The following ADARB1 variants were observed in gnomAD, a reference collection of about 807,000 sequenced individuals.
ADARB1 encodes adenosine deaminase RNA specific B1.
A neutral mutation model predicts 52.4 loss-of-function variants in ADARB1; 10 were observed. That is an observed-to-expected ratio of 0.19 (90% CI 0.12 to 0.32). The LOEUF is 0.32. Among genes scored for constraint, ADARB1 ranks in the 10% least tolerant of loss-of-function variants. The probability of loss-of-function intolerance (pLI) is 1.00; values close to 1 mark genes in which losing one functional copy is unlikely to be tolerated. For missense variants in ADARB1, 643 were observed against 922.3 expected, an observed-to-expected ratio of 0.70 and a Z score of 3.92; for synonymous variants, 349 against 371.1, an observed-to-expected ratio of 0.94 and a Z score of 0.68.
At chr21:45,075,113 G>A (rs1368983886) in intron 1 of ADARB1, among the ~76,000 whole-genome samples, 1 of 151,582 alleles carries the variant, frequency 6.6e-6, no homozygotes, top group Non-Finnish European at 1.5e-5. Flanking sequence ...GCCGGGACGA[G>A]GCTGCGCCCT....
rs759440268 is a variant in ADARB1, at chr21:45,222,242, G to A, written c.*45G>A. On this transcript the variant is annotated 3_prime_UTR_variant, in exon 11 of 11. Transcript: ENST00000348831. ...GGGTGCAGGGGGCTGTGGGCATCCA[G>A]CGTCATCCTCCAGAACCTCACATCT... 4 of 1,512,032 alleles carry A rather than the reference G, an allele frequency of 2.6e-6. No homozygotes were observed. Among genetic ancestry groups the A allele is most frequent in the Non-Finnish European group, 3.5e-6 (4 of 1,135,340 alleles). 93.7% of individuals were successfully genotyped at this position (1,512,032 alleles called of 1,614,324 possible). A position where few individuals can be genotyped will look rare whatever the true frequency, so the allele number is the denominator to read the frequency against.
chr21:45,135,912 C>T (rs1283932725), intron 2 of ADARB1, among the ~76,000 whole-genome samples: 1 of 152,124 alleles, frequency 6.6e-6, no homozygotes, highest in African/African-American at 2.4e-5. Flanking sequence ...AAGCTGAGTG[C>T]TGTCCTGAAA....
In ADARB1 at chr21:45,152,516, C is replaced by T. The variant is rs995023418; in HGVS notation, c.-47-19094C>T. Reference sequence around the variant, plus strand: ...TAGGGGCTGCTGTTGTCGCAGCTGCCGGCACACGGAAGTGAGTCGGTGTGC... The same window carrying T: ...TAGGGGCTGCTGTTGTCGCAGCTGCTGGCACACGGAAGTGAGTCGGTGTGC... On this transcript the variant is annotated intron_variant, in intron 2 of 10. Coordinates refer to ENST00000348831, the MANE Select transcript of ADARB1 (RefSeq NM_001112.4). 4.0e-5 allele frequency: 10 copies of T among 251,514 alleles called. 1 individual carries two copies. Among genetic ancestry groups the T allele is most frequent in the South Asian group, 2.6e-4 (8 of 31,054 alleles). 15.6% of individuals were successfully genotyped at this position (251,514 alleles called of 1,614,324 possible).
intron 1 of ADARB1, among the ~76,000 whole-genome samples, chr21:45,077,982 C>G (rs1027457476): frequency 2.6e-5 from 4 of 152,156 alleles, no homozygotes; most frequent in Non-Finnish European, 5.9e-5. Context: ...CCGCACCTTC[C>G]ATTTGCAGAG....
intron 2 of ADARB1, among the ~76,000 whole-genome samples, chr21:45,153,190 G>A (rs117841889): frequency 0.022 from 3,284 of 152,214 alleles, 52 homozygotes; most frequent in South Asian, 0.042. Flanking sequence ...CTGCACTCCA[G>A]GTTAATACCA....
chr21:45,186,288 T>G (rs1438193068), intron 8 of ADARB1, among the ~76,000 whole-genome samples: 2 of 152,238 alleles, frequency 1.3e-5, no homozygotes, highest in African/African-American at 4.8e-5. Context: ...TACTGACTTT[T>G]GCAAATCTTC....
intron 2 of ADARB1, among the ~76,000 whole-genome samples, chr21:45,167,228 A>G (rs1193133668): frequency 6.6e-6 from 1 of 152,212 alleles, no homozygotes; most frequent in Admixed American, 6.5e-5. Context: ...TTTTAAAAGA[A>G]TTTTAATATG....
In ADARB1 at chr21:45,101,386, T is replaced by G. The variant is rs1601341436; in HGVS notation, c.-220+26593T>G. ...ATGCCCGCTGCCAGTCGCCGAGTGCTGGGTGCAGAGGATCTCTCCAGACAC... is the reference window on the plus strand; with the variant it reads ...ATGCCCGCTGCCAGTCGCCGAGTGCGGGGTGCAGAGGATCTCTCCAGACAC... On this transcript the variant is annotated intron_variant, in intron 1 of 10. Coordinates refer to ENST00000348831, the MANE Select transcript of ADARB1 (RefSeq NM_001112.4). Among the ~76,000 whole-genome samples, 4 of 152,360 alleles carry G rather than the reference T, an allele frequency of 2.6e-5. No individual in the cohort carries two copies. In the South Asian group the frequency reaches 8.3e-4, roughly 32 times the overall value.
At chr21:45,109,813 T>A (rs1175483007) in intron 1 of ADARB1, among the ~76,000 whole-genome samples, 2 of 152,172 alleles carry the variant, frequency 1.3e-5, no homozygotes, top group Non-Finnish European at 2.9e-5. Flanking sequence ...TAAGCAAAAA[T>A]CATGTATTTG....
At chr21:45,160,523 G>C (rs2090909313) in intron 2 of ADARB1, among the ~76,000 whole-genome samples, 1 of 152,188 alleles carries the variant, frequency 6.6e-6, no homozygotes, top group Non-Finnish European at 1.5e-5. Context: ...TGATGATTGT[G>C]TTTTTTAAAA....
chr21:45,209,932 A>T (rs1232556103), intron 9 of ADARB1, among the ~76,000 whole-genome samples: 3 of 151,974 alleles, frequency 2.0e-5, no homozygotes, highest in African/African-American at 7.3e-5. Context: ...CTCTCATCTG[A>T]TGTGCTTTTT....
chr21:45,163,459 A>G (rs1301319078), intron 2 of ADARB1, among the ~76,000 whole-genome samples: 5 of 152,194 alleles, frequency 3.3e-5, no homozygotes, highest in African/African-American at 4.8e-5. Context: ...TGGTGGGAAA[A>G]GCAGGGTGGT....
chr21:45,161,314 C>T (rs1163721307), intron 2 of ADARB1, among the ~76,000 whole-genome samples: 1 of 152,238 alleles, frequency 6.6e-6, no homozygotes, highest in Non-Finnish European at 1.5e-5. Flanking sequence ...TCCCTGCACT[C>T]ACCAGGGCCC....
intron 1 of ADARB1, among the ~76,000 whole-genome samples, chr21:45,104,047 T>C (rs2087141208): frequency 6.6e-6 from 1 of 152,020 alleles, no homozygotes; most frequent in Non-Finnish European, 1.5e-5. Flanking sequence ...CTCCAAGGGG[T>C]TCACTTTTGG....
At position 45,153,157 on chromosome 21, in the gene ADARB1, A is replaced by G. The variant is rs189605092; in HGVS notation, c.-47-18453A>G. Among the ~76,000 whole-genome samples the G allele has an allele frequency of 2.4e-3, 369 of 152,348 alleles. 5 individuals are homozygous for G. The highest frequency in any genetic ancestry group is 1.9e-3 in the East Asian group (10 of 5,190). ...GTGAAAATATTTCCCCTTTAAAAGA[A>G]TGGAGAGCAAATTCCTTACATTCTG... is the stretch of plus-strand genomic sequence containing the variant. On this transcript the variant is annotated intron_variant, in intron 2 of 10. Coordinates refer to ENST00000348831, the MANE Select transcript of ADARB1 (RefSeq NM_001112.4).
At chr21:45,136,360 G>A (rs977777835) in intron 2 of ADARB1, among the ~76,000 whole-genome samples, 2 of 152,152 alleles carry the variant, frequency 1.3e-5, no homozygotes, top group Non-Finnish European at 2.9e-5. Flanking sequence ...CTCAGACCTG[G>A]GGCCTCAGCC....
chr21:45,075,968 A>C (rs1215631627), intron 1 of ADARB1, among the ~76,000 whole-genome samples: 2 of 152,178 alleles, frequency 1.3e-5, no homozygotes, highest in Admixed American at 1.3e-4. Context: ...TGAGAATACA[A>C]ATATGTATTT....
At chr21:45,119,352 A>G (rs2145789072) in intron 1 of ADARB1, among the ~76,000 whole-genome samples, 1 of 152,304 alleles carries the variant, frequency 6.6e-6, no homozygotes, top group East Asian at 1.9e-4. Flanking sequence ...TGGCCTCCCA[A>G]AGTGCTGAGC....
At position 45,103,344 on chromosome 21, in the gene ADARB1, G is replaced by A. The variant is rs547926224; in HGVS notation, c.-219-25058G>A. Reference sequence around the variant, plus strand: ...AGAATGGTTTGGGGATGATTCCAGCGCGTTACATTTATTGTGCATTTTCTT... The same window carrying A: ...AGAATGGTTTGGGGATGATTCCAGCACGTTACATTTATTGTGCATTTTCTT... On this transcript the variant is annotated intron_variant, in intron 1 of 10. Transcript: ENST00000348831. 3.9e-5 allele frequency among the ~76,000 whole-genome samples: 6 copies of A among 151,992 alleles called. No homozygotes were observed. In the East Asian group the frequency reaches 5.8e-4, roughly 15 times the overall value.
Sources: gnomAD v4.1 joint callset for allele counts (sites outside exome capture counted in the v4.1 genomes callset) on GRCh38, gnomAD v4.1.1 for gene constraint, MANE v1.5 for transcripts, NCBI Gene and HGNC (gene_info 2026-07-23, HGNC 2026-07-21) for gene names.